C10orf71: variants seen among roughly 807,000 people sequenced by gnomAD.
C10orf71 encodes the protein chromosome 10 open reading frame 71, also known as cardiac-enriched FHL2-interacting protein.
For synonymous variants in C10orf71, 758 were observed against 726.3 expected (o/e 1.04, Z -0.70); for missense variants, 1,869 against 1,804.5 (o/e 1.04, Z -0.65).
chr10:49,303,929 T>C (rs922073462), intron 1 of C10orf71, among the ~76,000 whole-genome samples: 1 of 152,190 alleles, frequency 6.6e-6, no homozygotes, highest in African/African-American at 2.4e-5. Flanking sequence ...TACCAGCTAC[T>C]TTCCAGCCTC....
rs1564689383 is a variant in C10orf71, at chr10:49,322,637, G to T, written c.92G>T (p.Ser31Ile). The change falls in exon 3 of 3, where the codon AGC (serine) becomes ATC (isoleucine). Residue 31 changes from serine (S) to isoleucine (I), a missense_variant. Coordinates refer to ENST00000374144, the MANE Select transcript of C10orf71 (RefSeq NM_001135196.2). ...VLDDADREVS[S>I]LTDRAFRSLC... ...GATGATGCAGACAGGGAGGTGAGCA[G>T]CCTAACAGACCGGGCATTCCGGAGT... The T allele has an allele frequency of 6.2e-7, 1 of 1,613,474 alleles. No individual in the cohort carries two copies. The highest frequency in any genetic ancestry group is 8.5e-7 in the Non-Finnish European group (1 of 1,179,636).
intron 1 of C10orf71, among the ~76,000 whole-genome samples, chr10:49,308,739 G>A (rs1848860354): frequency 6.6e-6 from 1 of 152,226 alleles, no homozygotes; most frequent in Admixed American, 6.5e-5. Flanking sequence ...TGTTCAATAA[G>A]TAGTTGTTGA....
At chr10:49,306,523 A>G (rs547363614) in intron 1 of C10orf71, among the ~76,000 whole-genome samples, 1 of 152,324 alleles carries the variant, frequency 6.6e-6, no homozygotes, top group East Asian at 1.9e-4. Flanking sequence ...GGAGGGGAAG[A>G]GCAAGTGAAT....
chr10:49,304,599 A>G (rs1352312487), intron 1 of C10orf71, among the ~76,000 whole-genome samples: 1 of 152,188 alleles, frequency 6.6e-6, no homozygotes, highest in Non-Finnish European at 1.5e-5. Context: ...TCTATAGACA[A>G]TGTGATGGAC....
intron 2 of C10orf71, among the ~76,000 whole-genome samples, chr10:49,317,979 A>G (rs947421373): frequency 2.6e-5 from 4 of 152,218 alleles, no homozygotes; most frequent in African/African-American, 4.8e-5. Flanking sequence ...AAAGGCTAGG[A>G]TCGATTCTTC....
chr10:49,310,370 G>T (rs1848889639), intron 1 of C10orf71, among the ~76,000 whole-genome samples: 1 of 152,182 alleles, frequency 6.6e-6, no homozygotes, highest in East Asian at 1.9e-4. Context: ...AAGCGGGGCT[G>T]GCAACACCTC....
chr10:49,323,061 T>C lies in C10orf71; in HGVS notation c.516T>C (p.Asn172=), dbSNP rs1251990891. 1 of 1,613,670 alleles carries C rather than the reference T, an allele frequency of 6.2e-7. No individual in the cohort carries two copies. The highest frequency in any genetic ancestry group is 8.5e-7 in the Non-Finnish European group (1 of 1,179,854). Residue 172 remains asparagine (N), a synonymous_variant, in exon 3 of 3, where the codon AAT becomes AAC. Coordinates refer to ENST00000374144, the MANE Select transcript of C10orf71 (RefSeq NM_001135196.2). ...CCAGCAAGCCTCCGGCTCTGAAAAA[T>C]CCTCCCAAATTCGCTCCTCTTCCAG... The part of the protein sequence containing the change: ...PTASKPPALK[N]PPKFAPLPEN...
At chr10:49,310,251 G>A (rs1265084389) in intron 1 of C10orf71, among the ~76,000 whole-genome samples, 2 of 152,222 alleles carry the variant, frequency 1.3e-5, no homozygotes, top group Non-Finnish European at 2.9e-5. Context: ...GGATGTCTGG[G>A]AGAACTCAGC....
rs775096407 is a variant in C10orf71, at chr10:49,324,136, G to A, written c.1591G>A (p.Val531Ile). ...GCTTGATGAGAAAACTAGAGGTAAGGTTGATGGAAAGCAAGAACCTGTGAG... is the reference window on the plus strand; with the variant it reads ...GCTTGATGAGAAAACTAGAGGTAAGATTGATGGAAAGCAAGAACCTGTGAG... Reference protein sequence around the residue: ...KVLDEKTRGKVDGKQEPVSNG... With the variant: ...KVLDEKTRGKIDGKQEPVSNG... Residue 531 changes from valine (V) to isoleucine (I), a missense_variant, in exon 3 of 3, where the codon GTT becomes ATT. Coordinates refer to ENST00000374144, the MANE Select transcript of C10orf71 (RefSeq NM_001135196.2). 4 of 1,613,960 alleles carry A rather than the reference G, an allele frequency of 2.5e-6. No homozygotes were observed. In the South Asian group the frequency reaches 3.3e-5, roughly 13 times the overall value.
chr10:49,322,496 C>CT lies in C10orf71; in HGVS notation c.-50_-49insT. 1 of 1,524,094 alleles carries CT rather than the reference C, an allele frequency of 6.6e-7. No individual in the cohort carries two copies. Among genetic ancestry groups the CT allele is most frequent in the South Asian group, 1.3e-5 (1 of 76,424 alleles). 94.4% of individuals were successfully genotyped at this position (1,524,094 alleles called of 1,614,324 possible). On this transcript the variant is annotated 5_prime_UTR_variant, in exon 3 of 3. Coordinates refer to ENST00000374144, the MANE Select transcript of C10orf71 (RefSeq NM_001135196.2). ...AAACACCTAACCTTGACAGAATCATCACCAGAGACACCTGCCGGCTGACAA... is the reference window on the plus strand; with the variant it reads ...AAACACCTAACCTTGACAGAATCATCTACCAGAGACACCTGCCGGCTGACAA...
At chr10:49,311,253 A>G (rs769577215) in intron 1 of C10orf71, among the ~76,000 whole-genome samples, 69 of 152,284 alleles carry the variant, frequency 4.5e-4, no homozygotes, top group Admixed American at 2.8e-3. Context: ...GACACCTGCA[A>G]TAGGGCTTGG....
At chr10:49,301,527 G>A (rs778242929) in intron 1 of C10orf71, among the ~76,000 whole-genome samples, 10 of 152,168 alleles carry the variant, frequency 6.6e-5, no homozygotes, top group Non-Finnish European at 1.0e-4. Context: ...ACATGCTGAT[G>A]TTCAGATGTG....
chr10:49,300,398 T>C (rs370798683), intron 1 of C10orf71, among the ~76,000 whole-genome samples: 55 of 145,988 alleles, frequency 3.8e-4, no homozygotes, highest in African/African-American at 1.4e-3. Flanking sequence ...TGTGGCCCTT[T>C]ACAGAAAAAG....
At chr10:49,297,978 G>T (rs951159070), upstream of C10orf71, among the ~76,000 whole-genome samples, 1 of 152,214 alleles carries the variant, frequency 6.6e-6, no homozygotes, top group African/African-American at 2.4e-5. Context: ...AGGAGGAGGC[G>T]GGTCTGAATG....
chr10:49,307,666 T>A (rs1474886700), intron 1 of C10orf71, among the ~76,000 whole-genome samples: 2 of 152,200 alleles, frequency 1.3e-5, no homozygotes, highest in Admixed American at 1.3e-4. Flanking sequence ...GCCTGGGATA[T>A]CAGGGAGGCA....
In C10orf71 at chr10:49,325,109, T is replaced by A. The variant is rs757341184; in HGVS notation, c.2564T>A (p.Phe855Tyr). 6.4e-7 allele frequency: 1 copy of A among 1,551,952 alleles called. No individual in the cohort carries two copies. The highest frequency in any genetic ancestry group is 1.2e-5 in the South Asian group (1 of 84,058). The change falls in exon 3 of 3, where the codon TTT becomes TAT. Residue 855 changes from phenylalanine to tyrosine, a missense_variant. Transcript: ENST00000374144. ...TCTGCTTCAAACAGGCACATGCTGT[T>A]TACGATTAAAGACAACACCCTCAGA... ...PSSASNRHML[F>Y]TIKDNTLRAT...
In C10orf71 at chr10:49,326,410, G is replaced by A; in HGVS notation, c.3865G>A (p.Asp1289Asn). The A allele has an allele frequency of 6.4e-7, 1 of 1,550,520 alleles. No homozygotes were observed. The highest frequency in any genetic ancestry group is 1.4e-5 in the African/African-American group (1 of 73,148). ...DPQSGEYFVF[D>N]LPLQVKIKTF... ...GCAGTCCGGGGAGTACTTTGTCTTCGACTTGCCACTCCAGGTGAAAATCAA... is the reference window on the plus strand; with the variant it reads ...GCAGTCCGGGGAGTACTTTGTCTTCAACTTGCCACTCCAGGTGAAAATCAA... Residue 1289 changes from aspartate (D) to asparagine (N), a missense_variant, in exon 3 of 3, where the codon GAC (aspartate) becomes AAC (asparagine). Coordinates refer to ENST00000374144, the MANE Select transcript of C10orf71 (RefSeq NM_001135196.2).
chr10:49,308,872 G>A (rs1026244327), intron 1 of C10orf71, among the ~76,000 whole-genome samples: 1 of 152,186 alleles, frequency 6.6e-6, no homozygotes, highest in South Asian at 2.1e-4. Context: ...GACACAGCGA[G>A]CCCCACATGG....
chr10:49,318,058 C>T (rs896018315), intron 2 of C10orf71, among the ~76,000 whole-genome samples: 8 of 151,664 alleles, frequency 5.3e-5, no homozygotes, highest in Non-Finnish European at 8.9e-5. Context: ...CAGAACTGTG[C>T]GGCAATACAT....
Sources: allele counts gnomAD v4.1 joint callset (sites outside exome capture counted in the v4.1 genomes callset), GRCh38; gene constraint gnomAD v4.1.1; transcripts MANE v1.5; gene names NCBI Gene and HGNC (gene_info 2026-07-23, HGNC 2026-07-21).